Variants in ALPK2 observed in about 807,000 individuals in gnomAD.
The protein encoded by ALPK2 is alpha kinase 2, also known as alpha-protein kinase 2.
Under a neutral mutation model 163.1 loss-of-function variants are expected in ALPK2, and 127 were observed. That is an observed-to-expected ratio of 0.78 (90% CI 0.67 to 0.90). The LOEUF (loss-of-function observed/expected upper bound fraction) is 0.90. ALPK2 is among the 40% of genes least tolerant of loss of function. The pLI is 0.00. For synonymous variants in ALPK2, 953 were observed against 959.1 expected (o/e 0.99, Z 0.12); for missense variants, 2,360 against 2,589.6 (o/e 0.91, Z 1.92).
intron 5 of ALPK2, among the ~76,000 whole-genome samples, chr18:58,533,437 T>C (rs548548693): frequency 6.9e-6 from 1 of 144,400 alleles, no homozygotes; most frequent in East Asian, 2.0e-4. Flanking sequence ...AAACATTGCT[T>C]CATTCTATTT....
intron 4 of ALPK2, among the ~76,000 whole-genome samples, chr18:58,574,149 A>T (rs891748625): frequency 6.6e-6 from 1 of 152,156 alleles, no homozygotes; most frequent in Non-Finnish European, 1.5e-5. Flanking sequence ...ACCCAAGTGC[A>T]AGATTTGGAT....
At position 58,517,182 on chromosome 18, in the gene ALPK2, C is replaced by G. The variant is rs766701696; in HGVS notation, c.5666G>C (p.Gly1889Ala). 1 of 1,612,744 alleles carries G rather than the reference C, an allele frequency of 6.2e-7. No homozygotes were observed. The highest frequency in any genetic ancestry group is 2.2e-5 in the East Asian group (1 of 44,820). Residue 1889 changes from glycine (G) to alanine (A), a missense_variant and splice_region_variant, in exon 9 of 13, where the codon GGA (glycine) becomes GCA (alanine). By Grantham distance (60) the Gly-to-Ala change is moderately conservative. Transcript: ENST00000361673. ...KQLSSRQDTK[G>A]CEEIEFSQLI... ...TTGGCTGAATTCAATCTCTTCACAT[C>G]CTGAAACACAGCACAGCTTTGGTTG...
At chr18:58,491,633 C>A (rs1358190347) in intron 12 of ALPK2, among the ~76,000 whole-genome samples, 2 of 152,152 alleles carry the variant, frequency 1.3e-5, no homozygotes, top group African/African-American at 4.8e-5. Context: ...TCAGCACTAC[C>A]CCCACTTCCC....
At chr18:58,582,515 A>T (rs1406139056) in intron 3 of ALPK2, among the ~76,000 whole-genome samples, 1 of 151,624 alleles carries the variant, frequency 6.6e-6, no homozygotes, top group East Asian at 2.0e-4. Flanking sequence ...CTCTTCTCAG[A>T]TGAAGAAAAA....
At chr18:58,597,014 G>A (rs534728854) in intron 3 of ALPK2, among the ~76,000 whole-genome samples, 26 of 152,262 alleles carry the variant, frequency 1.7e-4, no homozygotes, top group Middle Eastern at 6.8e-3. Flanking sequence ...TTGGCCCGGT[G>A]CAGTGGCTCA....
At chr18:58,554,245 A>T (rs1015980846) in intron 4 of ALPK2, among the ~76,000 whole-genome samples, 6 of 152,226 alleles carry the variant, frequency 3.9e-5, no homozygotes, top group African/African-American at 1.4e-4. Flanking sequence ...AATGATGGAC[A>T]TTCGTGTGGA....
Position 58,536,987 on chromosome 18 carries a change from T to C in ALPK2, c.3200A>G (p.Lys1067Arg). Residue 1067 changes from lysine to arginine, a missense_variant, in exon 5 of 13, where the codon AAA becomes AGA. Transcript: ENST00000361673. The part of the protein sequence containing the change: ...LDHILSGATI[K>R]STKELLCRAP... ...CCTGCAAAGTAGCTCTTTTGTAGATTTGATGGTAGCACCACTTAAAATATG... is the reference window on the plus strand; with the variant it reads ...CCTGCAAAGTAGCTCTTTTGTAGATCTGATGGTAGCACCACTTAAAATATG... 2 of 1,614,192 alleles carry C rather than the reference T, an allele frequency of 1.2e-6. No homozygotes were observed. The highest frequency in any genetic ancestry group is 1.7e-6 in the Non-Finnish European group (2 of 1,180,016).
At position 58,491,133 on chromosome 18, in the gene ALPK2, A is replaced by G. The variant is rs1259622348; in HGVS notation, c.6296+6916T>C. Among the ~76,000 whole-genome samples the G allele has an allele frequency of 2.6e-5, 4 of 152,200 alleles. No homozygotes were observed. In the South Asian group the frequency reaches 8.3e-4, roughly 31 times the overall value. On this transcript the variant is annotated intron_variant, in intron 12 of 12. Transcript: ENST00000361673. Reference sequence around the variant, plus strand: ...TGAAACCACCTTTGCAGAAATTATAACTGAGAAAATTGTGACAGTGAAAGA... The same window carrying G: ...TGAAACCACCTTTGCAGAAATTATAGCTGAGAAAATTGTGACAGTGAAAGA...
At chr18:58,497,621 T>C (rs995961450) in intron 12 of ALPK2, among the ~76,000 whole-genome samples, 27 of 152,214 alleles carry the variant, frequency 1.8e-4, no homozygotes, top group Admixed American at 6.5e-4. Flanking sequence ...AAAATACTTT[T>C]TGGAGAAAAA....
At chr18:58,556,664 G>A (rs73447219) in intron 4 of ALPK2, among the ~76,000 whole-genome samples, 11,726 of 152,216 alleles carry the variant, frequency 0.077, 1,496 homozygotes, top group African/African-American at 0.26. Flanking sequence ...AAATCCCTAG[G>A]AATCTGTTAG....
intron 3 of ALPK2, among the ~76,000 whole-genome samples, chr18:58,600,956 A>C (rs1238512355): frequency 6.6e-6 from 1 of 152,136 alleles, no homozygotes; most frequent in Non-Finnish European, 1.5e-5. Context: ...TTGTTGGATA[A>C]ATGAATGGTT....
At chr18:58,491,037 T>TCTG (rs2051372204) in intron 12 of ALPK2, among the ~76,000 whole-genome samples, 1 of 152,226 alleles carries the variant, frequency 6.6e-6, no homozygotes, top group Non-Finnish European at 1.5e-5. Context: ...CAGCCTGAGA[T>TCTG]TCGCCCACTG....
chr18:58,580,208 G>T lies in ALPK2; in HGVS notation c.568C>A (p.Pro190Thr), dbSNP rs201939861. The change falls in exon 4 of 13, where the codon CCT becomes ACT. Residue 190 changes from proline to threonine, a missense_variant. Transcript: ENST00000361673. ...TGCCTTGTTCCTTTAACACCCAAAG[G>T]ATTTTCAGAACTGGACACACTAATG... ...LDISVSSSEN[P>T]LGVKGTRHTG... is the part of the protein sequence containing the mutation. 146 of 1,614,170 alleles carry T rather than the reference G, an allele frequency of 9.0e-5. No individual in the cohort carries two copies. In the African/African-American group the frequency reaches 1.5e-3, roughly 17 times the overall value.
chr18:58,506,174 A>C (rs2051460956), intron 10 of ALPK2, among the ~76,000 whole-genome samples: 2 of 152,112 alleles, frequency 1.3e-5, no homozygotes, highest in South Asian at 4.2e-4. Flanking sequence ...TTGGGCACAC[A>C]TGGCCATAAA....
At chr18:58,609,913 C>T (rs1325066770) in intron 2 of ALPK2, among the ~76,000 whole-genome samples, 1 of 152,124 alleles carries the variant, frequency 6.6e-6, no homozygotes, top group Non-Finnish European at 1.5e-5. Context: ...TGACGATGGA[C>T]CATCACGGAG....
chr18:58,530,167 C>T (rs1406325696), intron 5 of ALPK2, among the ~76,000 whole-genome samples: 5 of 152,330 alleles, frequency 3.3e-5, no homozygotes, highest in East Asian at 3.9e-4. Context: ...AATTATACTA[C>T]GGTGAAAATA....
At chr18:58,543,262 G>A (rs1050286014) in intron 4 of ALPK2, 1 of 734,478 alleles carries the variant, frequency 1.4e-6, no homozygotes, top group Non-Finnish European at 1.7e-6. Flanking sequence ...CTCCAGAGCT[G>A]TAAGAAATAC....
chr18:58,627,335 T>C (rs1275664488), intron 1 of ALPK2, among the ~76,000 whole-genome samples: 2 of 152,132 alleles, frequency 1.3e-5, no homozygotes, highest in Admixed American at 6.5e-5. Context: ...AAAAAGACAA[T>C]GTAGGCCAGG....
chr18:58,524,624 T>A (rs1331547309), intron 6 of ALPK2, among the ~76,000 whole-genome samples: 1 of 152,192 alleles, frequency 6.6e-6, no homozygotes, highest in Non-Finnish European at 1.5e-5. Flanking sequence ...GTGGTGGTGG[T>A]CATATTGGTG....
Sources: allele counts gnomAD v4.1 joint callset (sites outside exome capture counted in the v4.1 genomes callset), GRCh38; gene constraint gnomAD v4.1.1; transcripts MANE v1.5; gene names NCBI Gene and HGNC (gene_info 2026-07-23, HGNC 2026-07-21).